The following FARP1 variants were observed in gnomAD, a reference collection of about 807,000 sequenced individuals.
The protein encoded by FARP1 is FERM, ARH/RhoGEF and pleckstrin domain protein 1.
A neutral mutation model predicts 128.8 loss-of-function variants in FARP1; 52 were observed. The observed-to-expected ratio is 0.40, with a 90% CI of 0.32 to 0.51. The LOEUF (loss-of-function observed/expected upper bound fraction) is 0.51. Ranked by LOEUF, FARP1 falls within the 20% of genes least tolerant of loss-of-function variation. FARP1 has a pLI of 0.45. For missense variants in FARP1, 1,333 were observed against 1,367.9 expected (o/e 0.97, Z 0.40); for synonymous variants, 580 against 551.8 (o/e 1.05, Z -0.72).
rs183476606 is a variant in FARP1, at chr13:98,379,015, C to G, written c.496+1097C>G. On this transcript the variant is annotated intron_variant, in intron 6 of 26. Transcript: ENST00000319562. ...ATATATAATATATACAATATATAAT[C>G]TATATATAATATATATAATATATAC... Among the ~76,000 whole-genome samples, 11 of 65,208 alleles carry G rather than the reference C, an allele frequency of 1.7e-4. 3 individuals are homozygous for G. Among genetic ancestry groups the G allele is most frequent in the East Asian group, 6.8e-4 (2 of 2,934 alleles). 42.8% of individuals were successfully genotyped at this position (65,208 alleles called of 152,430 possible). A position where few individuals can be genotyped will look rare whatever the true frequency, so the allele number is the denominator to read the frequency against.
intron 16 of FARP1, among the ~76,000 whole-genome samples, chr13:98,422,680 A>G (rs1202550465): frequency 1.3e-5 from 2 of 152,164 alleles, no homozygotes; most frequent in Admixed American, 6.5e-5. Flanking sequence ...TCTACTCACG[A>G]TGACTTTTCT....
chr13:98,247,177 G>C (rs1359510987), intron 2 of FARP1, among the ~76,000 whole-genome samples: 1 of 152,230 alleles, frequency 6.6e-6, no homozygotes, highest in Non-Finnish European at 1.5e-5. Context: ...AGGAGGCGGA[G>C]GTTGCAGTGA....
At chr13:98,437,841 C>T (rs765164942) in intron 19 of FARP1, 6 of 1,596,960 alleles carry the variant, frequency 3.8e-6, no homozygotes, top group South Asian at 2.2e-5. Context: ...AGAGAGGAGG[C>T]CATTGTTATT....
At chr13:98,213,640 G>A (rs1051938468) in intron 2 of FARP1, among the ~76,000 whole-genome samples, 19 of 151,940 alleles carry the variant, frequency 1.3e-4, no homozygotes, top group African/African-American at 4.6e-4. Context: ...CAGTGGCCTC[G>A]GCACTTGAAT....
chr13:98,251,527 A>G (rs1883321569), intron 2 of FARP1, among the ~76,000 whole-genome samples: 1 of 152,004 alleles, frequency 6.6e-6, no homozygotes, highest in Admixed American at 6.6e-5. Context: ...TACTAAAAAT[A>G]CAAAAATTAG....
rs949628245 is a variant in FARP1, at chr13:98,143,113, C to T, written c.-403C>T. On this transcript the variant is annotated 5_prime_UTR_variant, in exon 1 of 27. Transcript: ENST00000319562. ...GCCACTGCACTTCCCGCTCGCCGGC[C>T]TCAGAGGCGGCGGGTCCGGCGCGGG... 6.8e-6 allele frequency: 1 copy of T among 147,752 alleles called. No homozygotes were observed. The highest frequency in any genetic ancestry group is 6.7e-5 in the Admixed American group (1 of 14,874). 9.2% of individuals were successfully genotyped at this position (147,752 alleles called of 1,614,324 possible).
chr13:98,343,440 G>C (rs1192946378), intron 2 of FARP1, among the ~76,000 whole-genome samples: 1 of 152,154 alleles, frequency 6.6e-6, no homozygotes, highest in Non-Finnish European at 1.5e-5. Context: ...TGTGTAGCGC[G>C]AAGAAGTTTT....
At chr13:98,265,528 C>T (rs1443751076) in intron 2 of FARP1, among the ~76,000 whole-genome samples, 1 of 151,050 alleles carries the variant, frequency 6.6e-6, no homozygotes, top group Non-Finnish European at 1.5e-5. Context: ...ACCGTTTTAG[C>T]CGGGATGGTC....
At chr13:98,315,946 T>C (rs1227949880) in intron 2 of FARP1, among the ~76,000 whole-genome samples, 1 of 152,218 alleles carries the variant, frequency 6.6e-6, no homozygotes, top group Non-Finnish European at 1.5e-5. Context: ...GTTTCAGATG[T>C]TCAGGCCTCT....
At chr13:98,235,339 A>G (rs1460139322) in intron 2 of FARP1, among the ~76,000 whole-genome samples, 1 of 152,188 alleles carries the variant, frequency 6.6e-6, no homozygotes, top group Non-Finnish European at 1.5e-5. Context: ...AGTCTCAAAA[A>G]AGCCACAAGT....
intron 19 of FARP1, among the ~76,000 whole-genome samples, chr13:98,438,527 G>A (rs1892385496): frequency 6.6e-6 from 1 of 152,132 alleles, no homozygotes; most frequent in African/African-American, 2.4e-5. Context: ...ACCTTCCTGG[G>A]GAGGAGACAG....
intron 2 of FARP1, among the ~76,000 whole-genome samples, chr13:98,246,312 G>T (rs1162955821): frequency 1.2e-5 from 1 of 83,574 alleles, no homozygotes; most frequent in Admixed American, 1.4e-4. Flanking sequence ...AGCCAGGATG[G>T]TCTCGATCTC....
chr13:98,239,282 C>T (rs1003807679), intron 2 of FARP1, among the ~76,000 whole-genome samples: 12 of 152,154 alleles, frequency 7.9e-5, no homozygotes, highest in African/African-American at 2.9e-4. Flanking sequence ...TGTGTTTTCT[C>T]TCCCTCATCC....
chr13:98,439,474 T>C (rs1232064532), intron 21 of FARP1, among the ~76,000 whole-genome samples: 2 of 151,422 alleles, frequency 1.3e-5, no homozygotes, highest in African/African-American at 4.9e-5. Context: ...TAGAATCGAG[T>C]GAAAGGGTAA....
Position 98,453,332 on chromosome 13 carries a change from G to T in FARP1, c.*5015G>T. The T allele has an allele frequency of 1.1e-6, 1 of 950,956 alleles. No individual in the cohort carries two copies. 58.9% of individuals were successfully genotyped at this position (950,956 alleles called of 1,614,324 possible). On this transcript the variant is annotated 3_prime_UTR_variant, in exon 27 of 27. Transcript: ENST00000319562. ...TCCAAGTCATACAAAAATAAGTGGAGCAAATATCAATGTGTAAGTCTAATT... is the reference window on the plus strand; with the variant it reads ...TCCAAGTCATACAAAAATAAGTGGATCAAATATCAATGTGTAAGTCTAATT...
intron 1 of FARP1, among the ~76,000 whole-genome samples, chr13:98,207,542 G>A (rs1222086658): frequency 1.3e-5 from 2 of 151,914 alleles, no homozygotes; most frequent in Non-Finnish European, 2.9e-5. Context: ...TGCCGTCATC[G>A]GCTCCCTGGA....
chr13:98,372,880 T>G (rs984148264), intron 5 of FARP1, among the ~76,000 whole-genome samples: 3 of 152,218 alleles, frequency 2.0e-5, no homozygotes, highest in Non-Finnish European at 4.4e-5. Flanking sequence ...TATTTAGTGC[T>G]CACCAAGTAA....
At chr13:98,332,653 C>T (rs1169133023) in intron 2 of FARP1, 1 of 152,204 alleles carries the variant, frequency 6.6e-6, no homozygotes, top group Non-Finnish European at 1.5e-5. Context: ...ATTAAAGTCT[C>T]CTTCTAAGGG....
intron 1 of FARP1, among the ~76,000 whole-genome samples, chr13:98,179,683 T>A (rs1224303906): frequency 6.6e-6 from 1 of 151,640 alleles, no homozygotes; most frequent in Non-Finnish European, 1.5e-5. Context: ...GTCTACCCCA[T>A]CTCTACTAAA....
Sources: gnomAD v4.1 joint callset for allele counts (sites outside exome capture counted in the v4.1 genomes callset) on GRCh38, gnomAD v4.1.1 for gene constraint, MANE v1.5 for transcripts, NCBI Gene and HGNC (gene_info 2026-07-23, HGNC 2026-07-21) for gene names.